Variants in ADGRE2 observed in about 807,000 individuals in gnomAD.
The protein encoded by ADGRE2 is CD97 antigen.
Under a neutral mutation model 100.8 loss-of-function variants are expected in ADGRE2, and 83 were observed. The ratio of observed to expected loss-of-function variants is 0.82; its 90% confidence interval spans 0.69 to 0.99. The LOEUF is 0.99. Ranked by LOEUF, ADGRE2 falls within the 50% of genes least tolerant of loss-of-function variation. The pLI is 0.00. For missense variants in ADGRE2, 814 were observed against 1,035.7 expected, an observed-to-expected ratio of 0.79 and a Z score of 2.94; for synonymous variants, 355 against 413.0, an observed-to-expected ratio of 0.86 and a Z score of 1.70.
Position 14,751,591 on chromosome 19 carries a change from G to A in ADGRE2, c.1869C>T (p.Tyr623=). The A allele has an allele frequency of 6.2e-7, 1 of 1,614,044 alleles. No homozygotes were observed. Among genetic ancestry groups the A allele is most frequent in the African/African-American group, 1.3e-5 (1 of 74,978 alleles). Residue 623 remains tyrosine (Y), a synonymous_variant, in exon 16 of 21, where the codon TAC becomes TAT. Coordinates refer to ENST00000315576, the MANE Select transcript of ADGRE2 (RefSeq NM_013447.4). ...TCAGGTTCCGTGCAGTGAGGAAGAG[G>A]TACAGGGCCTCCAGCAGCATCCAGG... ...TLTWMLLEAL[Y]LFLTARNLTV... is the part of the protein sequence containing the mutation.
chr19:14,772,055 G>C, intron 5 of ADGRE2: 1 of 461,904 alleles, frequency 2.2e-6, no homozygotes, highest in East Asian at 3.8e-5. Flanking sequence ...TTTATAGATG[G>C]GTAAACCAAG....
Position 14,754,965 on chromosome 19 carries a change from AG to A in ADGRE2, c.1578del (p.Tyr527ThrfsTer10), listed in dbSNP as rs1414038567. Reference sequence around the variant, plus strand: ...CCTAAGGGTCTCACCTGCACATCGTAGTGGGCCATGAGGACGGCAAAGCTGC... The same window carrying A: ...CCTAAGGGTCTCACCTGCACATCGTATGGGCCATGAGGACGGCAAAGCTGC... The part of the protein sequence containing the change: ...HLSSFAVLMA[H>X]YDVQEEDPVL... On this transcript the variant is annotated frameshift_variant, in exon 14 of 21. Coordinates refer to ENST00000315576, the MANE Select transcript of ADGRE2 (RefSeq NM_013447.4). LOFTEE classifies it high-confidence loss of function. 3.1e-6 allele frequency: 5 copies of A among 1,613,920 alleles called. No homozygotes were observed. The highest frequency in any genetic ancestry group is 4.2e-6 in the Non-Finnish European group (5 of 1,180,014).
At chr19:14,772,218 C>T (rs894517949) in intron 5 of ADGRE2, 124 bp downstream of exon 5, 1 of 1,363,782 alleles carries the variant, frequency 7.3e-7, no homozygotes. Context: ...GCACACCTGT[C>T]TCATCTCAGA....
chr19:14,766,682 G>A (rs1316651628), intron 6 of ADGRE2, among the ~76,000 whole-genome samples: 1 of 152,184 alleles, frequency 6.6e-6, no homozygotes, highest in African/African-American at 2.4e-5. Flanking sequence ...CACTATGGTG[G>A]AGGTTCCCCT....
At chr19:14,764,389 G>T (rs7253782) in intron 11 of ADGRE2, 44 bp downstream of exon 11, 1,354,154 of 1,600,002 alleles carry the variant, frequency 0.85, 573,837 homozygotes, top group East Asian at 0.93. Flanking sequence ...GAAGGAGACA[G>T]AAAACATGCA....
intron 5 of ADGRE2, among the ~76,000 whole-genome samples, chr19:14,771,319 C>T (rs7258972): frequency 0.011 from 1,675 of 152,310 alleles, 24 homozygotes; most frequent in African/African-American, 0.037. Flanking sequence ...GCTCACCTTC[C>T]CTTCCCACTC....
chr19:14,747,575 C>T (rs573839784), intron 16 of ADGRE2, among the ~76,000 whole-genome samples: 8 of 152,036 alleles, frequency 5.3e-5, no homozygotes, highest in East Asian at 3.9e-4. Flanking sequence ...GGAGCCGAGG[C>T]GGGTGGATCA....
intron 20 of ADGRE2, among the ~76,000 whole-genome samples, chr19:14,736,885 A>AAT (rs1273836089): frequency 2.8e-5 from 4 of 144,076 alleles, no homozygotes; most frequent in Non-Finnish European, 4.5e-5. Flanking sequence ...TATATTTAGA[A>AAT]ATATATATAT....
chr19:14,745,794 C>T (rs2043068833), intron 18 of ADGRE2, among the ~76,000 whole-genome samples: 2 of 152,032 alleles, frequency 1.3e-5, no homozygotes, highest in Admixed American at 1.3e-4. Flanking sequence ...TACTTTCTGC[C>T]TCCACAAGAT....
chr19:14,759,504 T>TATATATATA (rs1555786067), intron 11 of ADGRE2, among the ~76,000 whole-genome samples: 3,874 of 70,804 alleles, frequency 0.055, 101 homozygotes, highest in East Asian at 0.2. Context: ...TATATATATA[T>TATATATATA]TTTTTTTTTT....
At chr19:14,751,787 A>G (rs2043293811) in intron 15 of ADGRE2, 116 bp from the exon 16 acceptor site, 3 of 736,614 alleles carry the variant, frequency 4.1e-6, no homozygotes, top group African/African-American at 1.8e-5. Context: ...ATTATAGAGA[A>G]TATTTGCTGT....
At chr19:14,754,904 T>C (rs1380414192) in intron 14 of ADGRE2, 50 bp downstream of exon 14, 2 of 1,586,128 alleles carry the variant, frequency 1.3e-6, no homozygotes, top group South Asian at 1.1e-5. Context: ...TCTCTGGGGA[T>C]TTGTTACACG....
At chr19:14,761,142 G>A (rs1311618183) in intron 11 of ADGRE2, among the ~76,000 whole-genome samples, 1 of 152,194 alleles carries the variant, frequency 6.6e-6, no homozygotes, top group Non-Finnish European at 1.5e-5. Context: ...GGTGTCTCAC[G>A]CCTGTAATCC....
chr19:14,739,628 C>T (rs1348935728), intron 20 of ADGRE2, among the ~76,000 whole-genome samples: 1 of 152,088 alleles, frequency 6.6e-6, no homozygotes, highest in South Asian at 2.1e-4. Context: ...AATGACCCCC[C>T]AAAGAGGTTC....
chr19:14,764,637 T>G (rs368938415), intron 10 of ADGRE2, 27 bp from the exon 11 acceptor site: 9 of 1,595,492 alleles, frequency 5.6e-6, no homozygotes, highest in Admixed American at 1.7e-5. Flanking sequence ...ACAGACCTAG[T>G]GAGCCATGGG....
At chr19:14,759,815 ATTTT>A (rs71333311) in intron 11 of ADGRE2, among the ~76,000 whole-genome samples, 1 of 95,540 alleles carries the variant, frequency 1.0e-5, no homozygotes, top group Non-Finnish European at 2.0e-5. Flanking sequence ...TATTAAGCAG[ATTTT>A]TTTTTTTTTT....
At chr19:14,770,682 T>TC (rs1568623319) in intron 5 of ADGRE2, among the ~76,000 whole-genome samples, 4 of 126,744 alleles carry the variant, frequency 3.2e-5, no homozygotes, top group Non-Finnish European at 5.0e-5. Context: ...TTTTTTTTTT[T>TC]TTTTTTTTTT....
chr19:14,742,881 TGA>T (rs1235245448), intron 20 of ADGRE2, among the ~76,000 whole-genome samples: 1 of 151,992 alleles, frequency 6.6e-6, no homozygotes, highest in African/African-American at 2.4e-5. Flanking sequence ...TGTTTGTGTG[TGA>T]GAGTCAAACT....
chr19:14,760,690 G>A (rs2043684917), intron 11 of ADGRE2, among the ~76,000 whole-genome samples: 1 of 151,878 alleles, frequency 6.6e-6, no homozygotes, highest in East Asian at 1.9e-4. Flanking sequence ...TTTGGCCAGG[G>A]CACTCTAAAT....
Sources: gnomAD v4.1 joint callset for allele counts (sites outside exome capture counted in the v4.1 genomes callset) on GRCh38, gnomAD v4.1.1 for gene constraint, MANE v1.5 for transcripts, NCBI Gene and HGNC (gene_info 2026-07-23, HGNC 2026-07-21) for gene names.